The following CSNK2A1 variants were observed in gnomAD, a reference collection of about 807,000 sequenced individuals.
CSNK2A1 encodes casein kinase II subunit alpha.
A neutral mutation model predicts 62.9 loss-of-function variants in CSNK2A1; 10 were observed. The observed-to-expected ratio is 0.16, with a 90% CI of 0.10 to 0.27. The LOEUF (loss-of-function observed/expected upper bound fraction) is 0.27. Ranked by LOEUF, CSNK2A1 falls within the 10% of genes least tolerant of loss-of-function variation. CSNK2A1 has a pLI of 1.00. For synonymous variants in CSNK2A1, 124 were observed against 167.8 expected (o/e 0.74, Z 2.02); for missense variants, 160 against 492.0 (o/e 0.33, Z 6.38).
Position 475,073 on chromosome 20 carries a change from G to A in CSNK2A1, c.*8888C>T, listed in dbSNP as rs933573171. On this transcript the variant is annotated 3_prime_UTR_variant, in exon 14 of 14. Transcript: ENST00000217244. ...ATAAACACAACACCGAGGACCCCCA[G>A]AAGCACCCTGTGTATAGTGGAATGT... The A allele has an allele frequency of 5.9e-5, 9 of 152,198 alleles. No individual in the cohort carries two copies. Among genetic ancestry groups the A allele is most frequent in the Admixed American group, 5.9e-4 (9 of 15,272 alleles). 9.4% of individuals were successfully genotyped at this position (152,198 alleles called of 1,614,324 possible).
At chr20:531,603 C>T (rs1243677493) in intron 1 of CSNK2A1, among the ~76,000 whole-genome samples, 1 of 151,950 alleles carries the variant, frequency 6.6e-6, no homozygotes, top group Admixed American at 6.6e-5. Context: ...TTATTACAGG[C>T]TCAGGAAATC....
At position 492,239 on chromosome 20, in the gene CSNK2A1, C is replaced by T; in HGVS notation, c.621+15G>A. On this transcript the variant is annotated intron_variant, in intron 9 of 13. Transcript: ENST00000217244. ...AAACACAGGATCAAAACTGTGCCTG[C>T]CCTTCTGTTCTTACCTGATAGTCTA... The T allele has an allele frequency of 1.9e-6, 3 of 1,601,360 alleles. No homozygotes were observed. The highest frequency in any genetic ancestry group is 2.6e-6 in the Non-Finnish European group (3 of 1,169,500).
rs139652968 is a variant in CSNK2A1 at position 492,459 on chromosome 20, A to G, written c.511-95T>C. ...CTTGATAAAATATACCAGACACGTC[A>G]CTCTTTACTGAAACCCCTCCACTGA... On this transcript the variant is annotated intron_variant, in intron 8 of 13. Coordinates refer to ENST00000217244, the MANE Select transcript of CSNK2A1 (RefSeq NM_177559.3). The G allele has an allele frequency of 5.6e-4, 683 of 1,222,392 alleles. 3 individuals are homozygous for G. In the East Asian group the frequency reaches 0.015, roughly 26 times the overall value. The allele number at this position is 1,222,392 out of a possible 1,614,324, so 75.7% of individuals were successfully genotyped here.
intron 6 of CSNK2A1, chr20:498,431 C>T (rs2018391087): frequency 6.7e-6 from 1 of 149,998 alleles, no homozygotes; most frequent in Non-Finnish European, 1.5e-5. Context: ...ACCTCAAACT[C>T]CTGGGCTCAA....
chr20:504,823 T>C (rs2018542581), intron 4 of CSNK2A1: 1 of 329,984 alleles, frequency 3.0e-6, no homozygotes, highest in African/African-American at 2.1e-5. Context: ...CATTATATAA[T>C]GAAAAGTAAA....
intron 2 of CSNK2A1, among the ~76,000 whole-genome samples, chr20:523,705 C>G (rs1394297380): frequency 6.6e-6 from 1 of 151,718 alleles, no homozygotes; most frequent in Non-Finnish European, 1.5e-5. Flanking sequence ...TCCTGGCTAA[C>G]ACGGTGAAAC....
At position 474,375 on chromosome 20, in the gene CSNK2A1, C is replaced by CA. The variant is rs1210472096; in HGVS notation, c.*9585dup. 8 of 152,138 alleles carry CA rather than the reference C, an allele frequency of 5.3e-5. No homozygotes were observed. The highest frequency in any genetic ancestry group is 1.7e-4 in the African/African-American group (7 of 41,506). The allele number at this position is 152,138 out of a possible 1,614,324, so 9.4% of individuals were successfully genotyped here. ...TTGAAAGATCTTTGGTTGCAGGTGT[C>CA]AGATGAATCAGGAATTGAGACGAGA... On this transcript the variant is annotated 3_prime_UTR_variant, in exon 14 of 14. Coordinates refer to ENST00000217244, the MANE Select transcript of CSNK2A1 (RefSeq NM_177559.3).
intron 2 of CSNK2A1, among the ~76,000 whole-genome samples, chr20:519,848 A>G (rs894431206): frequency 6.6e-6 from 1 of 152,224 alleles, no homozygotes; most frequent in African/African-American, 2.4e-5. Flanking sequence ...CAAAAGAATA[A>G]CAATACCTTG....
At chr20:505,898 G>A (rs2018572891) in intron 3 of CSNK2A1, 1 of 113,320 alleles carries the variant, frequency 8.8e-6, no homozygotes, top group Non-Finnish European at 1.7e-5. Context: ...TTTTTGAGAC[G>A]GAGTCTTGCT....
At chr20:542,944 A>C (rs1296106559) in intron 1 of CSNK2A1, 1 of 152,470 alleles carries the variant, frequency 6.6e-6, no homozygotes, top group East Asian at 1.9e-4. Context: ...TTAATCTAGC[A>C]ATGTTCCAAC....
At chr20:530,386 A>G (rs2019188169) in intron 1 of CSNK2A1, among the ~76,000 whole-genome samples, 1 of 151,814 alleles carries the variant, frequency 6.6e-6, no homozygotes, top group Admixed American at 6.6e-5. Context: ...TCACTGACAG[A>G]TATTTGGACT....
Position 475,648 on chromosome 20 carries a change from T to TA in CSNK2A1, c.*8312dup, listed in dbSNP as rs2017835199. On this transcript the variant is annotated 3_prime_UTR_variant, in exon 14 of 14. Transcript: ENST00000217244. The stretch of plus-strand genomic sequence containing the variant: ...ACACACCCTTTGCCATATAACCTCA[T>TA]AAAGTTTTCCCAACACAGGCTCTAT... 1 of 149,896 alleles carries TA rather than the reference T, an allele frequency of 6.7e-6. No homozygotes were observed. Among genetic ancestry groups the TA allele is most frequent in the Non-Finnish European group, 1.5e-5 (1 of 67,704 alleles). The allele number at this position is 149,896 out of a possible 1,614,324, so 9.3% of individuals were successfully genotyped here. A position where few individuals can be genotyped will look rare whatever the true frequency, so the allele number is the denominator to read the frequency against.
chr20:501,244 T>C (rs2018463138), intron 4 of CSNK2A1: 1 of 152,118 alleles, frequency 6.6e-6, no homozygotes, highest in African/African-American at 2.4e-5. Context: ...TTTGTATTTT[T>C]AGTAGAGACA....
Position 473,949 on chromosome 20 carries a change from C to G in CSNK2A1, c.*10012G>C, listed in dbSNP as rs2017800613. 1 of 152,274 alleles carries G rather than the reference C, an allele frequency of 6.6e-6. No individual in the cohort carries two copies. 9.4% of individuals were successfully genotyped at this position (152,274 alleles called of 1,614,324 possible). Reference sequence around the variant, plus strand: ...TATCCCGCTGTCCCTCAAACTGGGGCTCTGTCAACAAAGAGGAAGGGAGGA... The same window carrying G: ...TATCCCGCTGTCCCTCAAACTGGGGGTCTGTCAACAAAGAGGAAGGGAGGA... On this transcript the variant is annotated 3_prime_UTR_variant, in exon 14 of 14. Transcript: ENST00000217244.
rs987896379 is a variant in CSNK2A1 at position 487,923 on chromosome 20, C to T, written c.825-348G>A. ...CCCACACATATTCCTGGCATCTCTG[C>T]CAATTGGCCAGCAAAAGCCTTTGCA... On this transcript the variant is annotated intron_variant, in intron 11 of 13. Transcript: ENST00000217244. 8 of 313,106 alleles carry T rather than the reference C, an allele frequency of 2.6e-5. No individual in the cohort carries two copies. In the Admixed American group the frequency reaches 3.5e-4, roughly 14 times the overall value. The allele number at this position is 313,106 out of a possible 1,614,324, so 19.4% of individuals were successfully genotyped here.
At chr20:525,443 A>G (rs868775078) in intron 2 of CSNK2A1, among the ~76,000 whole-genome samples, 80 of 151,278 alleles carry the variant, frequency 5.3e-4, no homozygotes, top group Middle Eastern at 3.5e-3. Flanking sequence ...ACGAGGTCAG[A>G]AGATCGAGAC....
At chr20:502,846 C>T (rs1475016216) in intron 4 of CSNK2A1, 3 of 151,932 alleles carry the variant, frequency 2.0e-5, no homozygotes, top group Non-Finnish European at 2.9e-5. Flanking sequence ...ATATTTCTCT[C>T]ACTTTTCCCT....
At chr20:517,074 A>G (rs1003650552) in intron 2 of CSNK2A1, among the ~76,000 whole-genome samples, 2 of 152,230 alleles carry the variant, frequency 1.3e-5, no homozygotes, top group Non-Finnish European at 2.9e-5. Flanking sequence ...TTTTCCAAGC[A>G]ATCAGGCAAC....
At chr20:498,326 T>C (rs1336507036) in intron 6 of CSNK2A1, 1 of 150,614 alleles carries the variant, frequency 6.6e-6, no homozygotes, top group Non-Finnish European at 1.5e-5. Context: ...GTTTTTTACA[T>C]GGACATATCT....
Sources: allele counts gnomAD v4.1 joint callset (sites outside exome capture counted in the v4.1 genomes callset), GRCh38; gene constraint gnomAD v4.1.1; transcripts MANE v1.5; gene names NCBI Gene and HGNC (gene_info 2026-07-23, HGNC 2026-07-21).